FAM81A: variants seen among roughly 807,000 people sequenced by gnomAD.
The protein encoded by FAM81A is protein FAM81A.
A neutral mutation model predicts 46.7 loss-of-function variants in FAM81A; 19 were observed. The observed-to-expected ratio is 0.41, with a 90% CI of 0.28 to 0.60. The LOEUF (loss-of-function observed/expected upper bound fraction) is 0.60, where lower values mean the gene tolerates loss of function less well. Among genes scored for constraint, FAM81A ranks in the 20% least tolerant of loss-of-function variants. FAM81A has a pLI of 0.34. For missense variants in FAM81A, 377 were observed against 453.5 expected (o/e 0.83, Z 1.53); for synonymous variants, 183 against 152.9 (o/e 1.20, Z -1.45).
intron 1 of FAM81A, chr15:59,401,833 T>G (rs1277761418): frequency 1.4e-6 from 1 of 740,338 alleles, no homozygotes; most frequent in Non-Finnish European, 2.5e-6. Context: ...ATTTGTATTT[T>G]CTCAGCATGG....
intron 2 of FAM81A, among the ~76,000 whole-genome samples, chr15:59,419,304 G>A (rs1157041247): frequency 1.3e-5 from 2 of 152,088 alleles, no homozygotes; most frequent in African/African-American, 4.8e-5. Flanking sequence ...CTCATTTAGG[G>A]AAGTGGAAGA....
chr15:59,413,947 C>T (rs1186758146), intron 2 of FAM81A, among the ~76,000 whole-genome samples: 2 of 152,020 alleles, frequency 1.3e-5, no homozygotes, highest in Non-Finnish European at 2.9e-5. Flanking sequence ...AAGACGTCCA[C>T]ATTCTAATTC....
At chr15:59,514,100 T>TATAGCTTATATATG (rs2082242265) in intron 6 of FAM81A, among the ~76,000 whole-genome samples, 189 bp from the exon 7 acceptor site, 3 of 151,918 alleles carry the variant, frequency 2.0e-5, no homozygotes, top group African/African-American at 7.3e-5. Context: ...AGGGAGAGCA[T>TATAGCTTATATATG]CAGGAAAAAT....
At chr15:59,434,519 C>T (rs890721054), upstream of FAM81A, among the ~76,000 whole-genome samples, 4 of 152,188 alleles carry the variant, frequency 2.6e-5, no homozygotes, top group Admixed American at 6.5e-5. Flanking sequence ...TGGCTTTCTG[C>T]AGGACTTGTC....
chr15:59,404,668 G>C (rs2081086579), intron 2 of FAM81A, among the ~76,000 whole-genome samples: 1 of 152,072 alleles, frequency 6.6e-6, no homozygotes, highest in Admixed American at 6.6e-5. Context: ...TGTTGCTCAG[G>C]CTGGCCTCCA....
chr15:59,425,913 C>A (rs2081192798), intron 2 of FAM81A, among the ~76,000 whole-genome samples: 1 of 152,210 alleles, frequency 6.6e-6, no homozygotes, highest in Non-Finnish European at 1.5e-5. Flanking sequence ...AGCCACTGCA[C>A]CCAGCTGGCT....
At chr15:59,407,013 A>T in intron 2 of FAM81A, 1 of 167,712 alleles carries the variant, frequency 6.0e-6, no homozygotes, top group East Asian at 1.4e-4. Flanking sequence ...CAGCTTGGCA[A>T]TGAGAGCCAC....
At position 59,412,972 on chromosome 15, in the gene FAM81A, C is replaced by A. The variant is rs1459870222; in HGVS notation, c.-78+10614C>A. ...TAAAACGTAAGAAAAACCAAACACA[C>A]GTACCCTGTGTTGTAAACATGCTAC... On this transcript the variant is annotated intron_variant, in intron 2 of 4. Coordinates refer to the FAM81A transcript ENST00000558348. Among the ~76,000 whole-genome samples, 3 of 152,154 alleles carry A rather than the reference C, an allele frequency of 2.0e-5. No individual in the cohort carries two copies. In the South Asian group the frequency reaches 6.2e-4, roughly 32 times the overall value.
intron 3 of FAM81A, among the ~76,000 whole-genome samples, chr15:59,488,424 A>G (rs1381298446): frequency 6.6e-6 from 1 of 152,192 alleles, no homozygotes; most frequent in Non-Finnish European, 1.5e-5. Context: ...AGCTAGAGCA[A>G]TCAGACAAAA....
intron 3 of FAM81A, among the ~76,000 whole-genome samples, chr15:59,466,557 GT>G (rs565330980): frequency 3.6e-4 from 54 of 151,320 alleles, no homozygotes; most frequent in African/African-American, 9.6e-4. Context: ...GGGGTTGTTT[GT>G]TTTTTTCTTG....
intron 1 of FAM81A, among the ~76,000 whole-genome samples, chr15:59,450,286 T>A (rs1171625367): frequency 1.3e-5 from 2 of 152,078 alleles, no homozygotes; most frequent in African/African-American, 4.8e-5. Context: ...TATATCATAG[T>A]TTATTCTTCC....
chr15:59,413,976 C>T (rs1296664718), intron 2 of FAM81A, among the ~76,000 whole-genome samples: 1 of 152,068 alleles, frequency 6.6e-6, no homozygotes, highest in Non-Finnish European at 1.5e-5. Context: ...TTTTTAGAGA[C>T]AGAATCTCAC....
intron 1 of FAM81A, among the ~76,000 whole-genome samples, chr15:59,453,026 G>A (rs1188673748): frequency 6.6e-6 from 1 of 152,336 alleles, no homozygotes; most frequent in East Asian, 1.9e-4. Flanking sequence ...GCCTCCCAAA[G>A]TGCTGGGATC....
rs62013143 is a variant in FAM81A, at chr15:59,518,943, C to G, written c.982+2103C>G. 1.6e-3 allele frequency among the ~76,000 whole-genome samples: 225 copies of G among 143,142 alleles called. 1 individual carries two copies. Among genetic ancestry groups the G allele is most frequent in the African/African-American group, 5.3e-3 (205 of 38,790 alleles). The allele number at this position is 143,142 out of a possible 152,430, so 93.9% of individuals were successfully genotyped here. A position where few individuals can be genotyped will look rare whatever the true frequency, so the allele number is the denominator to read the frequency against. On this transcript the variant is annotated intron_variant, in intron 8 of 8. Transcript: ENST00000288228. ...CTCACAGGTATTTGTGTGTGTGTGT[C>G]TGTGTGTGTGTGTGTGTGTGTGTGT...
chr15:59,414,768 A>G (rs58729156), intron 2 of FAM81A, among the ~76,000 whole-genome samples: 3,251 of 152,278 alleles, frequency 0.021, 91 homozygotes, highest in East Asian at 0.11. Context: ...TGGTGTATTT[A>G]GCGATGGCAT....
intron 1 of FAM81A, among the ~76,000 whole-genome samples, chr15:59,458,124 A>G (rs2081506428): frequency 6.6e-6 from 1 of 152,190 alleles, no homozygotes; most frequent in African/African-American, 2.4e-5. Context: ...TTACCATGGA[A>G]TTAGTAGTAA....
At chr15:59,422,633 C>T (rs564099414) in intron 2 of FAM81A, among the ~76,000 whole-genome samples, 5 of 152,082 alleles carry the variant, frequency 3.3e-5, no homozygotes, top group African/African-American at 9.6e-5. Context: ...CCTGCCACCA[C>T]GCTCAGCTAA....
chr15:59,428,850 C>T (rs780872877), intron 2 of FAM81A, among the ~76,000 whole-genome samples: 5 of 152,114 alleles, frequency 3.3e-5, no homozygotes, highest in Admixed American at 6.5e-5. Flanking sequence ...AGGCTGATCT[C>T]GAACTCCTGA....
intron 1 of FAM81A, among the ~76,000 whole-genome samples, chr15:59,441,351 T>C (rs6494114): frequency 0.99 from 151,181 of 152,382 alleles, 75,008 homozygotes; most frequent in Middle Eastern, 1. Context: ...TCTGCACTGT[T>C]CCGTATGGTA....
Sources: gnomAD v4.1 joint callset for allele counts (sites outside exome capture counted in the v4.1 genomes callset) on GRCh38, gnomAD v4.1.1 for gene constraint, MANE v1.5 for transcripts, NCBI Gene and HGNC (gene_info 2026-07-23, HGNC 2026-07-21) for gene names.